The following CELA3A variants were observed in gnomAD, a reference collection of about 807,000 sequenced individuals.
CELA3A encodes the protein chymotrypsin like elastase 3A, also known as chymotrypsin-like elastase family member 3A.
A neutral mutation model predicts 38.6 loss-of-function variants in CELA3A; 35 were observed. The observed-to-expected ratio is 0.91, with a 90% CI of 0.69 to 1.20. CELA3A has a LOEUF of 1.20. Ranked by LOEUF, CELA3A falls within the 50% of genes most tolerant of loss-of-function variation. The pLI, the probability that CELA3A is intolerant of heterozygous loss-of-function variation, is 0.00. For synonymous variants in CELA3A, 143 were observed against 136.7 expected (o/e 1.05, Z -0.32); for missense variants, 343 against 354.2 (o/e 0.97, Z 0.25).
chr1:22,006,895 T>A lies in CELA3A; in HGVS notation c.380T>A (p.Ile127Asn). The A allele has an allele frequency of 6.2e-7, 1 of 1,612,254 alleles. No individual in the cohort carries two copies. The highest frequency in any genetic ancestry group is 8.5e-7 in the Non-Finnish European group (1 of 1,179,388). The change falls in exon 5 of 8, where the codon ATC becomes AAC. Residue 127 changes from isoleucine to asparagine, a missense_variant. Ile to Asn is a moderately radical substitution (Grantham distance 149, BLOSUM62 -3). Coordinates refer to ENST00000290122, the MANE Select transcript of CELA3A (RefSeq NM_005747.5). ...CVACGNDIAL[I>N]KLSRSAQLGD... ...CTCCCCAGCAATGACATCGCCCTCA[T>A]CAAGCTCTCACGCAGCGCCCAGCTG...
rs1213127153 is a variant in CELA3A at position 22,007,029 on chromosome 1, C to G, written c.499+15C>G. 3.7e-6 allele frequency: 6 copies of G among 1,610,618 alleles called. No homozygotes were observed. Among genetic ancestry groups the G allele is most frequent in the Non-Finnish European group, 5.1e-6 (6 of 1,178,424 alleles). On this transcript the variant is annotated intron_variant, in intron 5 of 7. Transcript: ENST00000290122. ...CCGTCTCTATAGTACGTGCTGACTT[C>G]TCTAGCTGGCCACAGAGACAGTGGC...
intron 7 of CELA3A, chr1:22,010,506 G>T (rs1425753705): frequency 4.4e-6 from 1 of 227,242 alleles, no homozygotes; most frequent in African/African-American, 2.4e-5. Flanking sequence ...AATCCCAGCT[G>T]CTTGGGAGGC....
intron 7 of CELA3A, 21 bp downstream of exon 7, chr1:22,009,878 C>G (rs3806297): frequency 1.3e-6 from 2 of 1,574,732 alleles, no homozygotes; most frequent in Non-Finnish European, 1.7e-6. Context: ...CAGGGCGGCC[C>G]GGAGGGCTTT....
At chr1:22,006,845 GA>G in intron 4 of CELA3A, 32 bp from the exon 5 acceptor site, 1 of 1,606,470 alleles carries the variant, frequency 6.2e-7, no homozygotes, top group Non-Finnish European at 8.5e-7. Flanking sequence ...CCGGCTGGAG[GA>G]CCAGGCCCCG....
chr1:22,006,381 G>A (rs1213634144), intron 4 of CELA3A, among the ~76,000 whole-genome samples: 1 of 151,118 alleles, frequency 6.6e-6, no homozygotes, highest in East Asian at 1.9e-4. Context: ...ACAAATATTA[G>A]CCAGGCGTGG....
At chr1:22,004,278 G>A (rs184882468) in intron 2 of CELA3A, among the ~76,000 whole-genome samples, 1,701 of 150,624 alleles carry the variant, frequency 0.011, 79 homozygotes, top group African/African-American at 0.039. Context: ...TCACTATGTT[G>A]CCCAGGCTTG....
Position 22,005,799 on chromosome 1 carries a change from G to T in CELA3A, c.362+3G>T. 1 of 1,611,126 alleles carries T rather than the reference G, an allele frequency of 6.2e-7. No individual in the cohort carries two copies. Among genetic ancestry groups the T allele is most frequent in the East Asian group, 2.2e-5 (1 of 44,726 alleles). Reference sequence around the variant, plus strand: ...AACCGCTCGTGTGTGGCCTGTGGGTGAGTGAATGCTCCGGTCTGGAACCCA... The same window carrying T: ...AACCGCTCGTGTGTGGCCTGTGGGTTAGTGAATGCTCCGGTCTGGAACCCA... On this transcript the variant is annotated splice_donor_region_variant and intron_variant, in intron 4 of 7. Transcript: ENST00000290122.
intron 6 of CELA3A, among the ~76,000 whole-genome samples, chr1:22,008,620 G>A (rs1201538539): frequency 2.0e-5 from 3 of 150,582 alleles, no homozygotes; most frequent in Admixed American, 6.6e-5. Context: ...TTAGCCGGGT[G>A]TGGTGGTGGG....
At position 22,012,008 on chromosome 1, in the gene CELA3A, G is replaced by A. The variant is rs375222980; in HGVS notation, c.796-442G>A. ...GTGGAGGTTGCAGTGAGTTGAGATC[G>A]TGCACTCCAGCCTGGGCAACAGAGT... On this transcript the variant is annotated intron_variant, in intron 7 of 7. Coordinates refer to ENST00000290122, the MANE Select transcript of CELA3A (RefSeq NM_005747.5). Among the ~76,000 whole-genome samples the A allele has an allele frequency of 6.4e-5, 8 of 124,964 alleles. 2 individuals are homozygous for A. The highest frequency in any genetic ancestry group is 2.3e-4 in the African/African-American group (7 of 30,284). 82.0% of individuals were successfully genotyped at this position (124,964 alleles called of 152,430 possible).
intron 2 of CELA3A, among the ~76,000 whole-genome samples, chr1:22,003,308 T>C (rs1407369536): frequency 6.6e-6 from 1 of 150,750 alleles, no homozygotes; most frequent in Admixed American, 6.6e-5. Flanking sequence ...GAATCGGGGG[T>C]GAAGGAAATG....
chr1:22,004,051 T>TTTTTC (rs755643937), intron 2 of CELA3A, among the ~76,000 whole-genome samples: 1,906 of 144,704 alleles, frequency 0.013, 95 homozygotes, highest in African/African-American at 0.049. Context: ...CCTCAGTGCT[T>TTTTTC]TTTTCTTTTC....
chr1:22,005,951 C>A, intron 4 of CELA3A, 155 bp downstream of exon 4: 2 of 1,382,244 alleles, frequency 1.4e-6, no homozygotes, highest in Non-Finnish European at 2.0e-6. Flanking sequence ...GTGCCCAGGT[C>A]CCACACACTG....
At chr1:22,008,633 C>A (rs1032631619) in intron 6 of CELA3A, among the ~76,000 whole-genome samples, 3 of 150,486 alleles carry the variant, frequency 2.0e-5, no homozygotes, top group Non-Finnish European at 4.4e-5. Flanking sequence ...GTGGTGGGCG[C>A]CTGTAGTCCC....
chr1:22,007,166 G>A (rs552080035), intron 5 of CELA3A, 152 bp downstream of exon 5: 45 of 1,389,736 alleles, frequency 3.2e-5, no homozygotes, highest in East Asian at 2.4e-4. Flanking sequence ...TCCAAAACAC[G>A]AATGTGGTCA....
chr1:22,006,828 A>G (rs1485821286), intron 4 of CELA3A, 50 bp from the exon 5 acceptor site: 1 of 1,600,524 alleles, frequency 6.2e-7, no homozygotes, highest in African/African-American at 1.4e-5. Flanking sequence ...AGAAGGTAGG[A>G]CTTGGGCCGG....
chr1:22,007,416 C>G lies in CELA3A; in HGVS notation c.543C>G (p.Pro181=), dbSNP rs144610859. The G allele has an allele frequency of 6.6e-5, 107 of 1,612,254 alleles. 1 individual carries two copies. The highest frequency in any genetic ancestry group is 1.3e-4 in the Admixed American group (8 of 59,894). The change falls in exon 6 of 8, where the codon CCC becomes CCG. Residue 181 remains proline (P), a synonymous_variant. Coordinates refer to ENST00000290122, the MANE Select transcript of CELA3A (RefSeq NM_005747.5). ...ACAAGCTGCAGCAGGCCCGGCTGCC[C>G]GTGGTGGACTATAAGCACTGCTCCA... is the stretch of plus-strand genomic sequence containing the variant. The part of the protein sequence containing the change: ...LPDKLQQARL[P]VVDYKHCSRW...
chr1:22,001,919 G>T (rs1300635944), intron 1 of CELA3A, among the ~76,000 whole-genome samples: 1 of 151,152 alleles, frequency 6.6e-6, no homozygotes, highest in Admixed American at 6.6e-5. Context: ...GATGGTGAAA[G>T]ACCCCCAAAG....
intron 7 of CELA3A, chr1:22,010,742 G>A (rs1343107828): frequency 5.3e-5 from 8 of 151,214 alleles, no homozygotes; most frequent in Admixed American, 1.3e-4. Flanking sequence ...GCCATAGTGC[G>A]CTATACCCAT....
chr1:22,009,944 G>T, intron 7 of CELA3A, 87 bp downstream of exon 7: 1 of 1,521,674 alleles, frequency 6.6e-7, no homozygotes, highest in Non-Finnish European at 8.8e-7. Flanking sequence ...CCTGGGGAGG[G>T]CCTGAAAGGA....
Sources: gnomAD v4.1 joint callset for allele counts (sites outside exome capture counted in the v4.1 genomes callset) on GRCh38, gnomAD v4.1.1 for gene constraint, MANE v1.5 for transcripts, NCBI Gene and HGNC (gene_info 2026-07-23, HGNC 2026-07-21) for gene names.